GRIA4: variants seen among roughly 807,000 people sequenced by gnomAD.
The protein encoded by GRIA4 is glutamate receptor 4.
In GRIA4, 34 loss-of-function variants were observed where a neutral mutation model predicts 104.0. The ratio of observed to expected loss-of-function variants is 0.33; its 90% CI spans 0.25 to 0.44. GRIA4 has a LOEUF of 0.44. Ranked by LOEUF, GRIA4 falls within the 20% of genes least tolerant of loss-of-function variation. The pLI is 1.00. For synonymous variants in GRIA4, 386 were observed against 381.9 expected (o/e 1.01, Z -0.13); for missense variants, 750 against 1,096.5 (o/e 0.68, Z 4.46).
intron 3 of GRIA4, among the ~76,000 whole-genome samples, chr11:105,664,763 C>T (rs953020358): frequency 5.9e-5 from 9 of 151,902 alleles, no homozygotes; most frequent in East Asian, 1.9e-4. Flanking sequence ...AAAAATGTCA[C>T]GGGATCTCAA....
At chr11:105,863,596 C>A (rs948037103) in intron 5 of GRIA4, among the ~76,000 whole-genome samples, 2 of 152,112 alleles carry the variant, frequency 1.3e-5, no homozygotes, top group African/African-American at 4.8e-5. Flanking sequence ...AGCCACTTTA[C>A]CTCCGACTCC....
At chr11:105,859,062 G>T (rs973085361) in intron 4 of GRIA4, among the ~76,000 whole-genome samples, 2 of 152,132 alleles carry the variant, frequency 1.3e-5, no homozygotes, top group Non-Finnish European at 2.9e-5. Flanking sequence ...TGTGGAAATA[G>T]TATGACTTGA....
At chr11:105,916,899 A>T (rs1591442677) in intron 10 of GRIA4, among the ~76,000 whole-genome samples, 2 of 152,328 alleles carry the variant, frequency 1.3e-5, no homozygotes, top group East Asian at 3.9e-4. Context: ...AGCATTTTGC[A>T]TATATGTGGC....
chr11:105,722,531 C>T (rs552676442), intron 3 of GRIA4, among the ~76,000 whole-genome samples: 5 of 152,072 alleles, frequency 3.3e-5, no homozygotes, highest in South Asian at 2.1e-4. Context: ...TTTAGGACTC[C>T]GCATAGGTAG....
At chr11:105,764,690 A>T (rs199599804) in intron 4 of GRIA4, among the ~76,000 whole-genome samples, 1 of 152,134 alleles carries the variant, frequency 6.6e-6, no homozygotes, top group African/African-American at 2.4e-5. Context: ...ATGGCTGTTG[A>T]ACTAGAATGA....
At chr11:105,672,079 T>C (rs998863066) in intron 3 of GRIA4, among the ~76,000 whole-genome samples, 36 of 152,150 alleles carry the variant, frequency 2.4e-4, no homozygotes, top group African/African-American at 8.4e-4. Flanking sequence ...CATTTATCAT[T>C]AAAAACTGAC....
At position 105,924,596 on chromosome 11, in the gene GRIA4, C is replaced by A; in HGVS notation, c.1674C>A (p.Val558=). The change falls in exon 12 of 17, where the codon GTC becomes GTA. Residue 558 remains valine, a synonymous_variant. Transcript: ENST00000282499. The stretch of plus-strand genomic sequence containing the variant: ...GCATAGTCTTTGCCTACATTGGTGT[C>A]AGCGTGGTCTTATTCCTAGTTAGTA... ...WMCIVFAYIG[V]SVVLFLVSRF... 6.2e-7 allele frequency: 1 copy of A among 1,612,652 alleles called. No homozygotes were observed. Among genetic ancestry groups the A allele is most frequent in the Admixed American group, 1.7e-5 (1 of 59,906 alleles).
chr11:105,893,949 G>A (rs1946548582), intron 6 of GRIA4, among the ~76,000 whole-genome samples: 1 of 152,136 alleles, frequency 6.6e-6, no homozygotes, highest in Non-Finnish European at 1.5e-5. Flanking sequence ...CTGGCGTCTA[G>A]TTTCTTTATC....
intron 14 of GRIA4, among the ~76,000 whole-genome samples, chr11:105,948,595 G>C (rs201523500): frequency 5.7e-5 from 5 of 87,868 alleles, no homozygotes; most frequent in Non-Finnish European, 1.1e-4. Flanking sequence ...TTTTCTTTTT[G>C]TTTTTTTTTT....
chr11:105,907,067 A>G (rs1370446442), intron 9 of GRIA4, among the ~76,000 whole-genome samples: 1 of 152,216 alleles, frequency 6.6e-6, no homozygotes, highest in Non-Finnish European at 1.5e-5. Context: ...ACATCAAATC[A>G]TTCTCTATAA....
At chr11:105,719,220 C>T (rs1439826469) in intron 3 of GRIA4, among the ~76,000 whole-genome samples, 1 of 152,048 alleles carries the variant, frequency 6.6e-6, no homozygotes, top group East Asian at 1.9e-4. Flanking sequence ...AAGACAGGGA[C>T]AACTCAATAG....
chr11:105,720,181 A>T (rs1207622265), intron 3 of GRIA4, among the ~76,000 whole-genome samples: 1 of 151,670 alleles, frequency 6.6e-6, no homozygotes, highest in Non-Finnish European at 1.5e-5. Flanking sequence ...TAAATTGTGA[A>T]TTTCCTCATA....
chr11:105,656,697 T>C (rs1430050836), intron 3 of GRIA4, among the ~76,000 whole-genome samples: 1 of 152,092 alleles, frequency 6.6e-6, no homozygotes, highest in Non-Finnish European at 1.5e-5. Context: ...GGTCATAGTA[T>C]TCGTAGTGAA....
intron 9 of GRIA4, among the ~76,000 whole-genome samples, chr11:105,909,832 A>C (rs1297782405): frequency 1.3e-5 from 2 of 152,156 alleles, no homozygotes; most frequent in Non-Finnish European, 2.9e-5. Flanking sequence ...TAAATGAAAA[A>C]CATACAAATT....
chr11:105,856,249 T>C (rs1487947843), intron 4 of GRIA4, among the ~76,000 whole-genome samples: 2 of 152,156 alleles, frequency 1.3e-5, no homozygotes, highest in African/African-American at 4.8e-5. Flanking sequence ...CTAAGACACA[T>C]TGTTTTGTCA....
At chr11:105,735,685 T>C (rs1287386320) in intron 3 of GRIA4, among the ~76,000 whole-genome samples, 1 of 152,174 alleles carries the variant, frequency 6.6e-6, no homozygotes, top group Non-Finnish European at 1.5e-5. Flanking sequence ...CATGGGCAAG[T>C]GACCTAATAT....
At chr11:105,786,122 G>A (rs1438680525) in intron 4 of GRIA4, among the ~76,000 whole-genome samples, 1 of 138,400 alleles carries the variant, frequency 7.2e-6, no homozygotes, top group Non-Finnish European at 1.5e-5. Flanking sequence ...TCCAGCCTGG[G>A]CGACACAGTG....
chr11:105,965,513 A>G (rs601480), intron 14 of GRIA4, among the ~76,000 whole-genome samples: 86,502 of 151,314 alleles, frequency 0.57, 24,737 homozygotes, highest in Middle Eastern at 0.63. Context: ...GTAAAGAAAA[A>G]TTAGTGGCTT....
chr11:105,802,705 C>A (rs1440021851), intron 4 of GRIA4, among the ~76,000 whole-genome samples: 1 of 151,278 alleles, frequency 6.6e-6, no homozygotes, highest in Non-Finnish European at 1.5e-5. Context: ...GATTTTTTTA[C>A]AGGAATATAG....
Sources: allele counts gnomAD v4.1 joint callset (sites outside exome capture counted in the v4.1 genomes callset), GRCh38; gene constraint gnomAD v4.1.1; transcripts MANE v1.5; gene names NCBI Gene and HGNC (gene_info 2026-07-23, HGNC 2026-07-21).